Variants in CDH13 observed in about 807,000 individuals in gnomAD.
The protein encoded by CDH13 is cadherin 13, also known as cadherin-13.
Under a neutral mutation model 63.8 loss-of-function variants are expected in CDH13, and 24 were observed. The ratio of observed to expected loss-of-function variants is 0.38; its 90% CI spans 0.27 to 0.53. CDH13 has a LOEUF of 0.53. Among genes scored for constraint, CDH13 ranks in the 20% least tolerant of loss-of-function variants. CDH13 has a pLI of 0.85. For synonymous variants in CDH13, 503 were observed against 355.3 expected, an observed-to-expected ratio of 1.42 and a Z score of -4.67; for missense variants, 1,049 against 903.1, an observed-to-expected ratio of 1.16 and a Z score of -2.07.
intron 6 of CDH13, among the ~76,000 whole-genome samples, chr16:83,475,722 C>G (rs190445889): frequency 8.0e-4 from 122 of 152,196 alleles, no homozygotes; most frequent in Non-Finnish European, 1.4e-3. Flanking sequence ...ACTAGGATTA[C>G]AGGGACATGC....
chr16:83,545,948 G>C (rs2075379166), intron 7 of CDH13, among the ~76,000 whole-genome samples: 1 of 152,232 alleles, frequency 6.6e-6, no homozygotes, highest in African/African-American at 2.4e-5. Context: ...GGGGTGTGGA[G>C]GTGAACAAGA....
At chr16:83,577,053 C>A (rs1463767177) in intron 7 of CDH13, among the ~76,000 whole-genome samples, 1 of 152,182 alleles carries the variant, frequency 6.6e-6, no homozygotes, top group Admixed American at 6.5e-5. Context: ...GCAAAACAAT[C>A]AAGGACTCCC....
rs575292441 is a variant in CDH13, at chr16:83,601,392, T to C, written c.961-1062T>C. Among the ~76,000 whole-genome samples the C allele has an allele frequency of 2.0e-5, 3 of 152,318 alleles. No individual in the cohort carries two copies. The East Asian group carries it at 5.8e-4, about 29-fold the overall frequency. The stretch of plus-strand genomic sequence containing the variant: ...GTATATAAACATGATAGCCAAATCT[T>C]TGTCAAATATTGAGATGAAAAACAC... On this transcript the variant is annotated intron_variant, in intron 7 of 13. Transcript: ENST00000567109.
chr16:82,723,261 C>G lies in CDH13; in HGVS notation c.45+96124C>G, dbSNP rs77500436. ...AGGTGGCACTCTGTTCCTCCTTATCCTTGTATTTCATCTGCTCTCAGGGCT... is the reference window on the plus strand; with the variant it reads ...AGGTGGCACTCTGTTCCTCCTTATCGTTGTATTTCATCTGCTCTCAGGGCT... On this transcript the variant is annotated intron_variant, in intron 1 of 13. Transcript: ENST00000567109. Among the ~76,000 whole-genome samples, 906 of 152,306 alleles carry G rather than the reference C, an allele frequency of 5.9e-3. 5 individuals are homozygous for G. The highest frequency in any genetic ancestry group is 0.02 in the Middle Eastern group (6 of 294).
intron 3 of CDH13, among the ~76,000 whole-genome samples, chr16:83,103,034 C>A (rs929001768): frequency 6.9e-6 from 1 of 144,362 alleles, no homozygotes; most frequent in Non-Finnish European, 1.5e-5. Context: ...CTCACTGCAG[C>A]CTCTGCCTCC....
Position 83,060,084 on chromosome 16 carries a change from G to C in CDH13, c.366+27866G>C, listed in dbSNP as rs1030297082. Among the ~76,000 whole-genome samples, 2 of 152,022 alleles carry C rather than the reference G, an allele frequency of 1.3e-5. 1 individual carries two copies. The highest frequency in any genetic ancestry group is 4.2e-4 in the South Asian group (2 of 4,806). ...GCTGGGATTACAAACGTGAGCCACC[G>C]CACCCGGCCTACTTTTACGTCTCAT... On this transcript the variant is annotated intron_variant, in intron 3 of 13. Coordinates refer to ENST00000567109, the MANE Select transcript of CDH13 (RefSeq NM_001257.5).
chr16:83,760,032 G>T (rs1913836514), intron 11 of CDH13, among the ~76,000 whole-genome samples: 1 of 150,640 alleles, frequency 6.6e-6, no homozygotes, highest in African/African-American at 2.4e-5. Context: ...ATACTTCACA[G>T]CAGAAAATAC....
At chr16:82,641,056 C>G (rs1386387079) in intron 1 of CDH13, among the ~76,000 whole-genome samples, 3 of 152,102 alleles carry the variant, frequency 2.0e-5, no homozygotes, top group Non-Finnish European at 2.9e-5. Context: ...AGCCAGCAAG[C>G]CAACAGTGAA....
chr16:82,744,687 G>T (rs1008517422), intron 1 of CDH13, among the ~76,000 whole-genome samples: 1 of 152,092 alleles, frequency 6.6e-6, no homozygotes, highest in African/African-American at 2.4e-5. Context: ...TGACTTTTGA[G>T]TGCTTAGCAC....
At chr16:83,553,254 T>A (rs958010846) in intron 7 of CDH13, among the ~76,000 whole-genome samples, 9 of 152,202 alleles carry the variant, frequency 5.9e-5, no homozygotes, top group Non-Finnish European at 1.2e-4. Context: ...AATATCTAAA[T>A]TGAAATAAAT....
chr16:83,627,199 A>T (rs1173404430), intron 8 of CDH13, among the ~76,000 whole-genome samples: 1 of 151,558 alleles, frequency 6.6e-6, no homozygotes, highest in Non-Finnish European at 1.5e-5. Context: ...CTGAGGCAGG[A>T]GAATTGCTTG....
intron 7 of CDH13, among the ~76,000 whole-genome samples, chr16:83,548,720 G>A (rs567158541): frequency 6.6e-6 from 1 of 152,114 alleles, no homozygotes; most frequent in South Asian, 2.1e-4. Context: ...TCCCCCACAA[G>A]GCAGCCTTTT....
intron 7 of CDH13, among the ~76,000 whole-genome samples, chr16:83,550,662 G>A (rs775674170): frequency 5.3e-5 from 8 of 152,156 alleles, no homozygotes; most frequent in Non-Finnish European, 8.8e-5. Flanking sequence ...AGTTTTCCTT[G>A]TGAAACCTCA....
At chr16:83,073,913 T>G (rs1404634083) in intron 3 of CDH13, among the ~76,000 whole-genome samples, 1 of 152,166 alleles carries the variant, frequency 6.6e-6, no homozygotes, top group Non-Finnish European at 1.5e-5. Context: ...TTTTGTTACA[T>G]GTACAGAATG....
intron 3 of CDH13, among the ~76,000 whole-genome samples, chr16:83,036,219 A>G (rs1597193605): frequency 7.0e-6 from 1 of 143,462 alleles, no homozygotes; most frequent in South Asian, 2.2e-4. Flanking sequence ...GTACAATCTC[A>G]GCTCACTGCA....
intron 1 of CDH13, among the ~76,000 whole-genome samples, chr16:82,809,703 C>A (rs913023421): frequency 1.3e-5 from 2 of 151,968 alleles, no homozygotes; most frequent in Non-Finnish European, 2.9e-5. Context: ...TTATGGTTAC[C>A]ATCTTTGTTC....
chr16:83,675,721 G>A (rs1438504205), intron 9 of CDH13, among the ~76,000 whole-genome samples: 1 of 152,198 alleles, frequency 6.6e-6, no homozygotes, highest in Non-Finnish European at 1.5e-5. Flanking sequence ...TGGTCCCAGA[G>A]TTATGATGCA....
chr16:83,659,581 C>G (rs1182048295), intron 8 of CDH13, among the ~76,000 whole-genome samples: 2 of 152,196 alleles, frequency 1.3e-5, no homozygotes, highest in Admixed American at 1.3e-4. Context: ...TATGCCTGGG[C>G]CCCATCCAAG....
chr16:82,903,784 C>T (rs191138376), intron 2 of CDH13, among the ~76,000 whole-genome samples: 1 of 152,064 alleles, frequency 6.6e-6, no homozygotes, highest in East Asian at 1.9e-4. Flanking sequence ...CCTTAGAGCA[C>T]CTTCATAGGG....
Sources: allele counts gnomAD v4.1 joint callset (sites outside exome capture counted in the v4.1 genomes callset), GRCh38; gene constraint gnomAD v4.1.1; transcripts MANE v1.5; gene names NCBI Gene and HGNC (gene_info 2026-07-23, HGNC 2026-07-21).